Variants in CUTC observed in about 807,000 individuals in gnomAD.
CUTC encodes cutC copper transporter.
In CUTC, 27 loss-of-function variants were observed where a neutral mutation model predicts 36.2. The observed-to-expected ratio is 0.75, with a 90% CI of 0.55 to 1.03. CUTC has a LOEUF of 1.03. Among genes scored for constraint, CUTC ranks in the 50% least tolerant of loss-of-function variants. CUTC has a pLI of 0.00. For synonymous variants in CUTC, 114 were observed against 118.3 expected, an observed-to-expected ratio of 0.96 and a Z score of 0.24; for missense variants, 315 against 343.5, an observed-to-expected ratio of 0.92 and a Z score of 0.66.
At chr10:99,746,306 A>G (rs942529243) in intron 5 of CUTC, among the ~76,000 whole-genome samples, 2 of 152,226 alleles carry the variant, frequency 1.3e-5, no homozygotes, top group Non-Finnish European at 2.9e-5. Flanking sequence ...TGGGAGCTAA[A>G]TGATGAGAAC....
At chr10:99,740,857 A>G (rs147828426) in intron 3 of CUTC, among the ~76,000 whole-genome samples, 121 of 152,290 alleles carry the variant, frequency 7.9e-4, no homozygotes, top group African/African-American at 2.7e-3. Flanking sequence ...CTTCTGCACT[A>G]TCTAATCTGC....
intron 7 of CUTC, among the ~76,000 whole-genome samples, chr10:99,751,991 A>G (rs529227087): frequency 6.6e-6 from 1 of 152,222 alleles, no homozygotes; most frequent in Non-Finnish European, 1.5e-5. Context: ...TAGTTAAATC[A>G]TGAGGTTTGA....
At chr10:99,739,688 G>C (rs778111369) in intron 2 of CUTC, 22 bp from the exon 3 acceptor site, 5 of 1,605,398 alleles carry the variant, frequency 3.1e-6, no homozygotes, top group East Asian at 2.3e-5. Flanking sequence ...AAAATGTGTT[G>C]AGCAATGCTT....
intron 3 of CUTC, among the ~76,000 whole-genome samples, chr10:99,742,429 G>A (rs1229445162): frequency 6.6e-6 from 1 of 152,140 alleles, no homozygotes; most frequent in African/African-American, 2.4e-5. Flanking sequence ...CCTAGAGCAT[G>A]TCTGTAAATT....
At chr10:99,748,440 T>G (rs1395020717) in intron 6 of CUTC, among the ~76,000 whole-genome samples, 1 of 152,196 alleles carries the variant, frequency 6.6e-6, no homozygotes, top group Non-Finnish European at 1.5e-5. Flanking sequence ...ACTTTGCTAT[T>G]CTGGGATGTA....
chr10:99,736,528 G>A (rs1158717826), intron 2 of CUTC, among the ~76,000 whole-genome samples: 1 of 152,122 alleles, frequency 6.6e-6, no homozygotes, highest in Non-Finnish European at 1.5e-5. Flanking sequence ...GTCGACAATA[G>A]TACTTACTCA....
At chr10:99,754,769 T>C (rs2037442855) in intron 8 of CUTC, 135 bp downstream of exon 8, 1 of 618,542 alleles carries the variant, frequency 1.6e-6, no homozygotes, top group Admixed American at 3.0e-5. Context: ...GTAGTTGTTT[T>C]TGTAGTTGAA....
intron 2 of CUTC, among the ~76,000 whole-genome samples, chr10:99,739,122 AT>A (rs2037320085): frequency 6.6e-6 from 1 of 152,156 alleles, no homozygotes; most frequent in African/African-American, 2.4e-5. Context: ...ATTTAGATAT[AT>A]TTTGTGTGTT....
chr10:99,743,752 G>A (rs1472108047), intron 4 of CUTC, among the ~76,000 whole-genome samples: 1 of 152,186 alleles, frequency 6.6e-6, no homozygotes, highest in African/African-American at 2.4e-5. Context: ...CTTATTGAAT[G>A]ACCTCAGAGG....
intron 5 of CUTC, 50 bp downstream of exon 5, chr10:99,744,122 AT>A: frequency 6.8e-7 from 1 of 1,479,540 alleles, no homozygotes; most frequent in Non-Finnish European, 9.4e-7. Context: ...TAGTTTTCTA[AT>A]TTCAACAACT....
At position 99,743,329 on chromosome 10, in the gene CUTC, C is replaced by T. The variant is rs142301752; in HGVS notation, c.370C>T (p.His124Tyr). ...LVFGALTEDG[H>Y]IDKELCMSLM... ...TTTTGGGGCATTGACTGAAGATGGA[C>T]ACATTGACAAAGAGCTGTGTATGTC... The change falls in exon 4 of 9, where the codon CAC (histidine) becomes TAC (tyrosine). Residue 124 changes from histidine (H) to tyrosine (Y), a missense_variant. Physicochemically the swap from His to Tyr is moderately conservative, Grantham distance 83. Coordinates refer to ENST00000370476, the MANE Select transcript of CUTC (RefSeq NM_015960.3). 46 of 1,614,094 alleles carry T rather than the reference C, an allele frequency of 2.8e-5. No homozygotes were observed. The African/African-American group carries it at 5.7e-4, about 20-fold the overall frequency.
In CUTC at chr10:99,732,999, A is replaced by AT. The variant is rs201695245; in HGVS notation, c.61+596dup. Among the ~76,000 whole-genome samples the AT allele has an allele frequency of 6.9e-3, 1,043 of 152,164 alleles. 19 individuals are homozygous for AT. The highest frequency in any genetic ancestry group is 0.024 in the African/African-American group (989 of 41,490). On this transcript the variant is annotated intron_variant, in intron 1 of 8. Coordinates refer to ENST00000370476, the MANE Select transcript of CUTC (RefSeq NM_015960.3). ...TAAAAGTTATCAAGAATCCTCAAAG[A>AT]TTTTTTCTTTATGTGGATTACATCT...
At chr10:99,746,986 T>G (rs1202285935) in intron 5 of CUTC, among the ~76,000 whole-genome samples, 1 of 152,164 alleles carries the variant, frequency 6.6e-6, no homozygotes, top group Non-Finnish European at 1.5e-5. Context: ...CAGGCTGGTC[T>G]CAAACTCCTG....
At chr10:99,755,564 C>G (rs186409337) in intron 8 of CUTC, 61 bp from the exon 9 acceptor site, 2 of 1,015,570 alleles carry the variant, frequency 2.0e-6, no homozygotes, top group African/African-American at 3.2e-5. Flanking sequence ...TAAAATGAAG[C>G]GGCAGTAGGA....
At chr10:99,754,711 TG>T in intron 8 of CUTC, 77 bp downstream of exon 8, 1 of 992,976 alleles carries the variant, frequency 1.0e-6, no homozygotes. Context: ...AAACTTTGGA[TG>T]GGGGCATGAT....
chr10:99,741,649 CA>C (rs2133668690), intron 3 of CUTC, among the ~76,000 whole-genome samples: 1 of 152,256 alleles, frequency 6.6e-6, no homozygotes, highest in African/African-American at 2.4e-5. Flanking sequence ...CCTACAGCCT[CA>C]AACTCCTGGG....
intron 3 of CUTC, among the ~76,000 whole-genome samples, chr10:99,742,282 T>A (rs2037347016): frequency 6.6e-6 from 1 of 152,128 alleles, no homozygotes; most frequent in Non-Finnish European, 1.5e-5. Flanking sequence ...AGCAGAAGTC[T>A]GTGTATGAAT....
intron 5 of CUTC, among the ~76,000 whole-genome samples, chr10:99,745,583 G>A (rs2037372339): frequency 6.6e-6 from 1 of 152,218 alleles, no homozygotes; most frequent in Middle Eastern, 3.2e-3. Flanking sequence ...ATGGGGCTGG[G>A]CACAGTGGCT....
chr10:99,738,862 C>T (rs1564655598), intron 2 of CUTC, among the ~76,000 whole-genome samples: 1 of 152,072 alleles, frequency 6.6e-6, no homozygotes, highest in Non-Finnish European at 1.5e-5. Flanking sequence ...GTCAGCTTTT[C>T]ACCTAATAAA....
Sources: gnomAD v4.1 joint callset for allele counts (sites outside exome capture counted in the v4.1 genomes callset) on GRCh38, gnomAD v4.1.1 for gene constraint, MANE v1.5 for transcripts, NCBI Gene and HGNC (gene_info 2026-07-23, HGNC 2026-07-21) for gene names.